Variants in IRAK2 observed in about 807,000 individuals in gnomAD.
IRAK2 encodes interleukin 1 receptor associated kinase 2, also known as interleukin-1 receptor-associated kinase-like 2.
A neutral mutation model predicts 72.0 loss-of-function variants in IRAK2; 57 were observed. The observed-to-expected ratio is 0.79, with a 90% CI of 0.64 to 0.99. IRAK2 has a LOEUF of 0.99. IRAK2 is among the 50% of genes least tolerant of loss of function. The pLI is 0.00. For synonymous variants in IRAK2, 293 were observed against 312.7 expected (o/e 0.94, Z 0.67); for missense variants, 790 against 794.4 (o/e 0.99, Z 0.07).
chr3:10,226,284 C>T, intron 9 of IRAK2, 87 bp from the exon 10 acceptor site: 1 of 1,113,176 alleles, frequency 9.0e-7, no homozygotes, highest in Non-Finnish European at 1.3e-6. Flanking sequence ...ACCTGGAGCT[C>T]AGAACTGAGA....
At chr3:10,194,190 G>A (rs1269997081) in intron 2 of IRAK2, among the ~76,000 whole-genome samples, 1 of 152,226 alleles carries the variant, frequency 6.6e-6, no homozygotes, top group Admixed American at 6.5e-5. Flanking sequence ...AGAGGGTTAG[G>A]AGGTCTGTGC....
intron 1 of IRAK2, 96 bp from the exon 2 acceptor site, chr3:10,177,742 A>T: frequency 8.3e-7 from 1 of 1,199,032 alleles, no homozygotes; most frequent in African/African-American, 1.5e-5. Flanking sequence ...GTTGGGGAGG[A>T]TGTCCTGGAA....
chr3:10,223,664 C>T (rs1697729021), intron 9 of IRAK2, among the ~76,000 whole-genome samples: 2 of 152,202 alleles, frequency 1.3e-5, no homozygotes, highest in Admixed American at 1.3e-4. Flanking sequence ...GCAGTGTTTC[C>T]CAAGCTCATT....
chr3:10,165,311 C>T (rs1381175308), intron 1 of IRAK2, among the ~76,000 whole-genome samples: 3 of 152,158 alleles, frequency 2.0e-5, no homozygotes, highest in Non-Finnish European at 4.4e-5. Flanking sequence ...GTACGGGGGC[C>T]CTCCTGTCAG....
chr3:10,217,288 C>T (rs1224628997), intron 7 of IRAK2, among the ~76,000 whole-genome samples: 2 of 151,898 alleles, frequency 1.3e-5, no homozygotes, highest in Non-Finnish European at 2.9e-5. Context: ...ATGAGGATGA[C>T]AAAATATGAA....
chr3:10,177,187 G>T (rs1222421608), intron 1 of IRAK2, among the ~76,000 whole-genome samples: 2 of 152,066 alleles, frequency 1.3e-5, no homozygotes, highest in Non-Finnish European at 2.9e-5. Flanking sequence ...TCCCTCCTTG[G>T]TCTCCTAAAG....
chr3:10,229,961 G>A (rs1697834478), intron 10 of IRAK2, among the ~76,000 whole-genome samples: 1 of 152,006 alleles, frequency 6.6e-6, no homozygotes, highest in Admixed American at 6.6e-5. Context: ...TTAGCCCTGT[G>A]TGGTGGCGAG....
chr3:10,189,957 CA>C (rs1245028261), intron 2 of IRAK2, among the ~76,000 whole-genome samples: 1 of 152,018 alleles, frequency 6.6e-6, no homozygotes, highest in Non-Finnish European at 1.5e-5. Flanking sequence ...GGGGTCAGAG[CA>C]CCTGGGTTCT....
intron 5 of IRAK2, 23 bp downstream of exon 5, chr3:10,213,424 T>TG: frequency 1.9e-6 from 3 of 1,609,180 alleles, no homozygotes; most frequent in Non-Finnish European, 2.6e-6. Flanking sequence ...TGGTTTCTAG[T>TG]GGGGGTGGAG....
intron 3 of IRAK2, among the ~76,000 whole-genome samples, chr3:10,204,697 C>T (rs1419605843): frequency 3.3e-5 from 5 of 152,052 alleles, no homozygotes; most frequent in South Asian, 2.1e-4. Context: ...TGCAGTGAGC[C>T]GAGATCACGC....
intron 10 of IRAK2, 116 bp from the exon 11 acceptor site, chr3:10,234,343 G>T (rs1054601341): frequency 1.3e-6 from 1 of 750,376 alleles, no homozygotes. Flanking sequence ...TTATTCTTAC[G>T]ATGTCCGGTC....
chr3:10,169,289 G>A (rs1696754084), intron 1 of IRAK2, among the ~76,000 whole-genome samples: 1 of 152,172 alleles, frequency 6.6e-6, no homozygotes, highest in Non-Finnish European at 1.5e-5. Context: ...CAGGGTTGGA[G>A]AGCAGACAAC....
Position 10,210,897 on chromosome 3 carries a change from T to C in IRAK2, c.528+1205T>C, listed in dbSNP as rs559081081. On this transcript the variant is annotated intron_variant, in intron 4 of 12. Transcript: ENST00000256458. ...GTTTTTTTTGAGGAGTCTCGCTCCA[T>C]TGCCCAGGCTGGAGTGCAGTGGCAC... Among the ~76,000 whole-genome samples the C allele has an allele frequency of 1.0e-3, 159 of 152,256 alleles. 2 individuals carry two copies. In the Middle Eastern group the frequency reaches 0.014, roughly 13 times the overall value.
At chr3:10,175,186 C>T (rs528620182) in intron 1 of IRAK2, among the ~76,000 whole-genome samples, 17 of 152,078 alleles carry the variant, frequency 1.1e-4, no homozygotes, top group African/African-American at 2.4e-4. Context: ...TGCAGTGGCA[C>T]GATCTCAGCT....
intron 10 of IRAK2, among the ~76,000 whole-genome samples, chr3:10,228,018 T>C (rs1697807471): frequency 6.6e-6 from 1 of 151,954 alleles, no homozygotes. Context: ...AATTCAGTAT[T>C]ATCATTCCCA....
intron 6 of IRAK2, among the ~76,000 whole-genome samples, chr3:10,216,240 G>A (rs988802666): frequency 5.9e-5 from 9 of 152,182 alleles, no homozygotes; most frequent in Non-Finnish European, 8.8e-5. Context: ...TGGGTGGGTG[G>A]TGATGTGCCT....
intron 2 of IRAK2, among the ~76,000 whole-genome samples, chr3:10,192,695 G>T (rs1412745464): frequency 1.3e-5 from 2 of 152,134 alleles, no homozygotes; most frequent in African/African-American, 2.4e-5. Flanking sequence ...AAGGCGGACG[G>T]ATCACCTGAG....
At chr3:10,199,161 AAGGGATAAGATCAGGGCCCAGTGG>A (rs2125151062) in intron 2 of IRAK2, among the ~76,000 whole-genome samples, 1 of 152,202 alleles carries the variant, frequency 6.6e-6, no homozygotes, top group Non-Finnish European at 1.5e-5. Flanking sequence ...GCCCAGCCAG[AAGGGATAAGATCAGGGCCCAGTGG>A]AGGAGGGGAG....
At chr3:10,200,559 G>A (rs263411) in intron 3 of IRAK2, 44 bp downstream of exon 3, 778,743 of 1,498,968 alleles carry the variant, frequency 0.52, 205,091 homozygotes, top group African/African-American at 0.62. Context: ...TTTTATTTAA[G>A]GAAATGAAGA....
Sources: allele counts gnomAD v4.1 joint callset (sites outside exome capture counted in the v4.1 genomes callset), GRCh38; gene constraint gnomAD v4.1.1; transcripts MANE v1.5; gene names NCBI Gene and HGNC (gene_info 2026-07-23, HGNC 2026-07-21).